CACNA1C: variants seen among roughly 807,000 people sequenced by gnomAD.
CACNA1C encodes calcium voltage-gated channel subunit alpha1 C, also known as voltage-dependent L-type calcium channel subunit alpha-1C.
A neutral mutation model predicts 229.0 loss-of-function variants in CACNA1C; 30 were observed. That is an observed-to-expected ratio of 0.13 (90% CI 0.10 to 0.18). CACNA1C has a LOEUF of 0.18. Among genes scored for constraint, CACNA1C ranks in the 10% least tolerant of loss-of-function variants. The pLI, the probability that CACNA1C is intolerant of heterozygous loss-of-function variation, is 1.00. For synonymous variants in CACNA1C, 1,114 were observed against 1,132.5 expected, an observed-to-expected ratio of 0.98 and a Z score of 0.33; for missense variants, 1,658 against 2,845.0, an observed-to-expected ratio of 0.58 and a Z score of 9.49.
intron 5 of CACNA1C, among the ~76,000 whole-genome samples, chr12:2,483,405 C>A (rs1384206678): frequency 1.3e-5 from 2 of 152,104 alleles, no homozygotes; most frequent in Admixed American, 6.5e-5. Flanking sequence ...GACCAGTTGA[C>A]AAAATGACGA....
intron 8 of CACNA1C, among the ~76,000 whole-genome samples, chr12:2,510,392 C>A (rs1240103097): frequency 6.6e-6 from 1 of 152,234 alleles, no homozygotes; most frequent in Non-Finnish European, 1.5e-5. Flanking sequence ...TGCTCCAGAT[C>A]TGACTAAAGC....
At chr12:2,129,151 A>C (rs753444603) in intron 3 of CACNA1C, among the ~76,000 whole-genome samples, 2 of 152,108 alleles carry the variant, frequency 1.3e-5, no homozygotes, top group Non-Finnish European at 2.9e-5. Flanking sequence ...TGCCCCAAGA[A>C]CCGATGCATT....
In CACNA1C at chr12:2,531,391, T is replaced by C. The variant is rs542516974; in HGVS notation, c.1390+18407T>C. ...TCCTAGTCCCAGCTCTGATACTAAC[T>C]GGCCCTGTAACCTAAACAACCCTTT... On this transcript the variant is annotated intron_variant, in intron 9 of 46. Transcript: ENST00000399655. Among the ~76,000 whole-genome samples the C allele has an allele frequency of 5.3e-5, 8 of 152,308 alleles. No homozygotes were observed. The South Asian group carries it at 1.7e-3, about 32-fold the overall frequency.
In CACNA1C at chr12:2,679,699, G is replaced by T. The variant is rs781633980; in HGVS notation, c.5347G>T (p.Gly1783Cys). 42 of 1,611,414 alleles carry T rather than the reference G, an allele frequency of 2.6e-5. No homozygotes were observed. The East Asian group carries it at 9.4e-4, about 36-fold the overall frequency. Residue 1783 changes from glycine (G) to cysteine (C), a missense_variant, in exon 42 of 47, where the codon GGC becomes TGC. By Grantham distance (159) the Gly-to-Cys change is radical. Around this residue, in one of 20 missense-constraint regions of CACNA1C, gnomAD observed 590 missense variants for 700.8 expected, o/e 0.84. Coordinates refer to ENST00000399655, the MANE Select transcript of CACNA1C (RefSeq NM_000719.7). This position sits in a 1 kb window ranked among gnomAD's most constrained non-coding sequence, Gnocchi z 5.5. ...CCTGGGTCGCCTCCCTCGCCCCGCC[G>T]GCTACCCCAGCACGGTCAGCACTGT... ...TALGRLPRPA[G>C]YPSTVSTVEG... is the part of the protein sequence containing the mutation.
chr12:2,187,133 C>G (rs988731637), intron 3 of CACNA1C, among the ~76,000 whole-genome samples: 1 of 152,170 alleles, frequency 6.6e-6, no homozygotes, highest in East Asian at 1.9e-4. Context: ...TTTTCAGAAC[C>G]TTTTCCAGGC....
chr12:2,614,537 C>G (rs2079477342), intron 29 of CACNA1C: 1 of 152,218 alleles, frequency 6.6e-6, no homozygotes, highest in Admixed American at 6.5e-5. Flanking sequence ...ACTTGAAGCT[C>G]TGGAAGAATA....
rs2098796590 is a variant in CACNA1C, at chr12:2,410,657, G to A, written c.478-38319G>A. On this transcript the variant is annotated intron_variant, in intron 3 of 46. Transcript: ENST00000399655. The surrounding 1 kb of genome is among the most constrained non-coding windows in gnomAD (Gnocchi z 5.3). ...TGTGTGTGTGTGTGTGCATGCGTGT[G>A]TGTGTTCCAGGAGCTGACTCTAGCT... is the stretch of plus-strand genomic sequence containing the variant. Among the ~76,000 whole-genome samples the A allele has an allele frequency of 6.6e-6, 1 of 151,204 alleles. No homozygotes were observed. The highest frequency in any genetic ancestry group is 2.1e-4 in the South Asian group (1 of 4,768).
chr12:2,577,610 A>G (rs1364702595), intron 13 of CACNA1C, among the ~76,000 whole-genome samples: 2 of 152,234 alleles, frequency 1.3e-5, no homozygotes, highest in Non-Finnish European at 2.9e-5. Context: ...GTTCAACTTA[A>G]GTGCACACGC....
intron 29 of CACNA1C, among the ~76,000 whole-genome samples, chr12:2,619,699 C>A (rs112906510): frequency 1.3e-4 from 20 of 152,060 alleles, no homozygotes; most frequent in Admixed American, 4.6e-4. Flanking sequence ...CTAGGCCTTG[C>A]CATTCTTCGT....
At chr12:2,276,014 CTA>C (rs2087811701) in intron 3 of CACNA1C, among the ~76,000 whole-genome samples, 1 of 152,034 alleles carries the variant, frequency 6.6e-6, no homozygotes, top group African/African-American at 2.4e-5. Context: ...TATGCACATA[CTA>C]CACCATTTTA....
Position 2,519,305 on chromosome 12 carries a change from C to T in CACNA1C, c.1390+6321C>T, listed in dbSNP as rs114214250. Among the ~76,000 whole-genome samples, 290 of 152,356 alleles carry T rather than the reference C, an allele frequency of 1.9e-3. 2 individuals carry two copies. Among genetic ancestry groups the T allele is most frequent in the African/African-American group, 6.4e-3 (267 of 41,580 alleles). ...TATGAGTCACACGAACACACGCAAA[C>T]GCGAGTGCATGCCATATGCCAGTTT... On this transcript the variant is annotated intron_variant, in intron 9 of 46. Transcript: ENST00000399655.
intron 1 of CACNA1C, among the ~76,000 whole-genome samples, chr12:2,078,454 G>A (rs866406467): frequency 2.6e-5 from 4 of 152,190 alleles, no homozygotes; most frequent in Non-Finnish European, 4.4e-5. Flanking sequence ...CCTTGAGGAC[G>A]TTGTGCTAAG....
At chr12:2,623,439 C>G (rs116328626) in intron 29 of CACNA1C, among the ~76,000 whole-genome samples, 1 of 152,148 alleles carries the variant, frequency 6.6e-6, no homozygotes, top group East Asian at 1.9e-4. Flanking sequence ...CACCCATGCT[C>G]TCACCTTTTC....
intron 1 of CACNA1C, among the ~76,000 whole-genome samples, chr12:2,000,841 A>G (rs2042027631): frequency 6.6e-6 from 1 of 152,226 alleles, no homozygotes; most frequent in Non-Finnish European, 1.5e-5. Context: ...GTTCAAGACC[A>G]GCCTGGCCAA....
At chr12:1,979,681 T>G (rs113165933) in intron 1 of CACNA1C, among the ~76,000 whole-genome samples, 4,144 of 152,378 alleles carry the variant, frequency 0.027, 95 homozygotes, top group Middle Eastern at 0.054. Context: ...TTTAAGTTTA[T>G]GAGAAATTGC....
At chr12:2,556,411 G>A (rs1019700590) in intron 10 of CACNA1C, among the ~76,000 whole-genome samples, 11 of 152,240 alleles carry the variant, frequency 7.2e-5, no homozygotes, top group Non-Finnish European at 1.0e-4. Flanking sequence ...GTTTCTCCTC[G>A]GAGTCTGGGG....
chr12:2,550,121 C>G, intron 10 of CACNA1C, 88 bp downstream of exon 10: 1 of 936,094 alleles, frequency 1.1e-6, no homozygotes, highest in Non-Finnish European at 1.7e-6. Flanking sequence ...TGGGCTGGCT[C>G]ATCACTAGGA....
At chr12:1,993,071 C>T (rs747117164) in intron 1 of CACNA1C, 3 of 787,428 alleles carry the variant, frequency 3.8e-6, no homozygotes, top group African/African-American at 3.4e-5. Context: ...TTTATATTCA[C>T]TTAAACTCTT....
intron 3 of CACNA1C, among the ~76,000 whole-genome samples, chr12:2,356,278 A>G (rs767916954): frequency 6.6e-6 from 1 of 152,218 alleles, no homozygotes; most frequent in African/African-American, 2.4e-5. Context: ...TTTATTGTGC[A>G]TCTTAATGAC....
Sources: allele counts gnomAD v4.1 joint callset (sites outside exome capture counted in the v4.1 genomes callset), GRCh38; gene constraint gnomAD v4.1.1; regional missense constraint gnomAD v4.1.1; non-coding constraint Gnocchi (gnomAD v3.1); transcripts MANE v1.5; gene names NCBI Gene and HGNC (gene_info 2026-07-23, HGNC 2026-07-21).